Variants in IQSEC3 observed in about 807,000 individuals in gnomAD.
The protein encoded by IQSEC3 is IQ motif and SEC7 domain-containing protein 3.
IQSEC3 carries 50 observed loss-of-function variants against 105.4 expected under a neutral mutation model. The observed-to-expected ratio is 0.47, with a 90% CI of 0.38 to 0.60. The LOEUF (loss-of-function observed/expected upper bound fraction) is 0.60, where lower values mean the gene tolerates loss of function less well. Among genes scored for constraint, IQSEC3 ranks in the 20% least tolerant of loss-of-function variants. The pLI, the probability that IQSEC3 is intolerant of heterozygous loss-of-function variation, is 0.00. For synonymous variants in IQSEC3, 708 were observed against 746.0 expected, an observed-to-expected ratio of 0.95 and a Z score of 0.83; for missense variants, 1,415 against 1,630.0, an observed-to-expected ratio of 0.87 and a Z score of 2.27.
chr12:74,884 G>C lies in IQSEC3; in HGVS notation c.554+7448G>C, dbSNP rs1448308763. Among the ~76,000 whole-genome samples, 7 of 152,302 alleles carry C rather than the reference G, an allele frequency of 4.6e-5. No homozygotes were observed. In the East Asian group the frequency reaches 1.3e-3, roughly 29 times the overall value. ...CTAGCTAGTGTCAGAACTAGGTTTAGAGCTCAGATTCTCTTAACTCTTCAT... is the reference window on the plus strand; with the variant it reads ...CTAGCTAGTGTCAGAACTAGGTTTACAGCTCAGATTCTCTTAACTCTTCAT... On this transcript the variant is annotated intron_variant, in intron 1 of 13. Coordinates refer to ENST00000538872, the MANE Select transcript of IQSEC3 (RefSeq NM_001170738.2).
At chr12:141,394 C>A in intron 5 of IQSEC3, 109 bp downstream of exon 5, 1 of 1,211,888 alleles carries the variant, frequency 8.3e-7, no homozygotes, top group Non-Finnish European at 1.2e-6. Flanking sequence ...TAACAGCTTC[C>A]AGCTTCCAGA....
rs1405733596 is a variant in IQSEC3, at chr12:115,074, GA to G, written c.624-10556del. 2.0e-5 allele frequency among the ~76,000 whole-genome samples: 3 copies of G among 152,206 alleles called. No individual in the cohort carries two copies. In the East Asian group the frequency reaches 5.8e-4, roughly 29 times the overall value. On this transcript the variant is annotated intron_variant, in intron 2 of 13. Transcript: ENST00000538872. ...TGAAGATAAGGACGTTAACTGCAGG[GA>G]AACAAGTGGGGAATCTTGCTCCCTG...
chr12:118,430 G>A (rs1865117256), intron 2 of IQSEC3, among the ~76,000 whole-genome samples: 1 of 150,874 alleles, frequency 6.6e-6, no homozygotes. Flanking sequence ...AAATCTTGAG[G>A]GGACGTGACG....
intron 12 of IQSEC3, among the ~76,000 whole-genome samples, chr12:170,294 C>T (rs1243170781): frequency 2.6e-5 from 4 of 151,700 alleles, no homozygotes; most frequent in Non-Finnish European, 5.9e-5. Flanking sequence ...AGCTGTGTGT[C>T]ATTCCCTGCC....
At chr12:172,036 C>A (rs564554045) in intron 13 of IQSEC3, among the ~76,000 whole-genome samples, 30 of 152,168 alleles carry the variant, frequency 2.0e-4, no homozygotes, top group Non-Finnish European at 2.9e-5. Flanking sequence ...CCCAGCTCCA[C>A]TCCTTTTCTG....
chr12:146,038 TTTG>T (rs1866253848), intron 5 of IQSEC3, among the ~76,000 whole-genome samples: 1 of 152,230 alleles, frequency 6.6e-6, no homozygotes, highest in Admixed American at 6.5e-5. Flanking sequence ...CATATCAGGG[TTTG>T]ACGTTTGGGT....
chr12:75,044 T>C (rs1160434707), intron 1 of IQSEC3, among the ~76,000 whole-genome samples: 2 of 152,294 alleles, frequency 1.3e-5, no homozygotes, highest in Non-Finnish European at 2.9e-5. Context: ...ATCTCAACTA[T>C]GTTAATAATT....
chr12:134,392 C>T (rs538734504), intron 3 of IQSEC3, among the ~76,000 whole-genome samples: 6 of 152,326 alleles, frequency 3.9e-5, no homozygotes, highest in African/African-American at 7.2e-5. Flanking sequence ...CAGTAGTACA[C>T]GGAGTCTCCT....
In IQSEC3 at chr12:174,894, C is replaced by T. The variant is rs1435557353; in HGVS notation, c.3410C>T (p.Pro1137Leu). 6 of 1,562,304 alleles carry T rather than the reference C, an allele frequency of 3.8e-6. No individual in the cohort carries two copies. In the Middle Eastern group the frequency reaches 1.0e-3, roughly 262 times the overall value. ...TGCGGCTCCACACCCCTGGGCGGTC[C>T]CGGCTCTCCGGTCAAGGTCACCCAC... The part of the protein sequence containing the change: ...DSCGSTPLGG[P>L]GSPVKVTHQP... Residue 1137 changes from proline (P) to leucine (L), a missense_variant, in exon 14 of 14, where the codon CCC becomes CTC. Pro to Leu is a moderately conservative substitution (Grantham distance 98). This residue lies in a region of IQSEC3 where 419 missense variants were observed against 436.2 expected (regional missense o/e 0.96). Transcript: ENST00000538872.
intron 11 of IQSEC3, chr12:166,853 C>T (rs3847946): frequency 0.3 from 46,281 of 151,952 alleles, 7,396 homozygotes; most frequent in East Asian, 0.37. Flanking sequence ...TGGATCCTCA[C>T]AGTGACGCTG....
chr12:124,518 T>C (rs1165921817), intron 2 of IQSEC3, among the ~76,000 whole-genome samples: 1 of 152,118 alleles, frequency 6.6e-6, no homozygotes, highest in Non-Finnish European at 1.5e-5. Flanking sequence ...TAGGACCTCC[T>C]AAGGTAGGAA....
chr12:113,880 G>A (rs539184778), intron 2 of IQSEC3, among the ~76,000 whole-genome samples: 1 of 152,190 alleles, frequency 6.6e-6, no homozygotes, highest in Non-Finnish European at 1.5e-5. Context: ...TGGCAAAGGA[G>A]TTCCCTGGAC....
intron 1 of IQSEC3, among the ~76,000 whole-genome samples, chr12:76,578 T>C (rs1350040384): frequency 2.6e-5 from 4 of 152,274 alleles, no homozygotes; most frequent in Non-Finnish European, 4.4e-5. Flanking sequence ...TTCATCTCCA[T>C]TGGCTAGCCA....
Position 141,225 on chromosome 12 carries a change from G to A in IQSEC3, c.2093G>A (p.Arg698His), listed in dbSNP as rs782477947. ...CTCCTCCAGCGAAAGGGCCTCAGCC[G>A]CCAGATGATTGGAGAGTTCCTGGGC... ...HFLLQRKGLS[R>H]QMIGEFLGNS... is the part of the protein sequence containing the mutation. The change falls in exon 5 of 14, where the codon CGC (arginine) becomes CAC (histidine). Residue 698 changes from arginine (R) to histidine (H), a missense_variant. Physicochemically the swap from Arg to His is conservative, Grantham distance 29. This residue lies in a region of IQSEC3 where 213 missense variants were observed against 306.2 expected (regional missense o/e 0.70). Transcript: ENST00000538872. 6.8e-6 allele frequency: 11 copies of A among 1,612,820 alleles called. No homozygotes were observed. The highest frequency in any genetic ancestry group is 4.0e-5 in the African/African-American group (3 of 74,610).
intron 5 of IQSEC3, among the ~76,000 whole-genome samples, chr12:153,647 G>C (rs782451581): frequency 1.3e-5 from 2 of 152,216 alleles, no homozygotes; most frequent in Non-Finnish European, 2.9e-5. Context: ...AATGCAGTGA[G>C]GGGAGGAAGG....
chr12:93,326 C>T (rs1591644653), intron 1 of IQSEC3, among the ~76,000 whole-genome samples: 3 of 152,186 alleles, frequency 2.0e-5, no homozygotes, highest in African/African-American at 7.2e-5. Context: ...AGGTTGTGCC[C>T]ATGGTCCCCT....
intron 1 of IQSEC3, among the ~76,000 whole-genome samples, chr12:92,847 T>G (rs1242883545): frequency 6.6e-6 from 1 of 152,226 alleles, no homozygotes; most frequent in Non-Finnish European, 1.5e-5. Context: ...CAGCTGGTTC[T>G]TGCTGTATTG....
intron 1 of IQSEC3, among the ~76,000 whole-genome samples, chr12:68,443 C>T (rs1863183226): frequency 6.6e-6 from 1 of 152,126 alleles, no homozygotes; most frequent in Non-Finnish European, 1.5e-5. Flanking sequence ...CTCTCAGTTC[C>T]TAGAACTTCA....
chr12:69,937 TGAG>T (rs532309446), intron 1 of IQSEC3, among the ~76,000 whole-genome samples: 117 of 152,026 alleles, frequency 7.7e-4, no homozygotes, highest in African/African-American at 2.7e-3. Context: ...GAGGGAGAGG[TGAG>T]GAGGAGGAGA....
Sources: allele counts gnomAD v4.1 joint callset (sites outside exome capture counted in the v4.1 genomes callset), GRCh38; gene constraint gnomAD v4.1.1; regional missense constraint gnomAD v4.1.1; transcripts MANE v1.5; gene names NCBI Gene and HGNC (gene_info 2026-07-23, HGNC 2026-07-21).